The following ACOT2 variants were observed in gnomAD, a reference collection of about 807,000 sequenced individuals.
The protein encoded by ACOT2 is acyl-coenzyme A thioesterase 2, mitochondrial.
In ACOT2, 15 loss-of-function variants were observed where a neutral mutation model predicts 20.1. That is an observed-to-expected ratio of 0.75 (90% confidence interval 0.50 to 1.15). ACOT2 has a LOEUF of 1.15. Ranked by LOEUF, ACOT2 falls within the 50% of genes most tolerant of loss-of-function variation. The pLI, the probability that ACOT2 is intolerant of heterozygous loss-of-function variation, is 0.00. For synonymous variants in ACOT2, 252 were observed against 268.4 expected, an observed-to-expected ratio of 0.94 and a Z score of 0.60; for missense variants, 479 against 615.3, an observed-to-expected ratio of 0.78 and a Z score of 2.34.
At chr14:73,570,435 A>G (rs761389117) in intron 1 of ACOT2, among the ~76,000 whole-genome samples, 19 of 151,880 alleles carry the variant, frequency 1.3e-4, no homozygotes, top group Non-Finnish European at 2.4e-4. Flanking sequence ...TGGGCGTAGT[A>G]GCGGGCGCCT....
rs190793860 is a variant in ACOT2 at position 73,572,953 on chromosome 14, T to C, written c.644-435T>C. Among the ~76,000 whole-genome samples the C allele has an allele frequency of 2.4e-3, 367 of 151,682 alleles. 16 individuals carry two copies. Among genetic ancestry groups the C allele is most frequent in the African/African-American group, 8.4e-3 (345 of 41,014 alleles). On this transcript the variant is annotated intron_variant, in intron 1 of 2. Coordinates refer to ENST00000238651, the MANE Select transcript of ACOT2 (RefSeq NM_006821.6). ...GAGCCACCGGACCCAGCCTGCATTA[T>C]TACTATTTAATTTTGTGTGAAACAC...
chr14:73,571,774 T>C (rs1889756777), intron 1 of ACOT2: 1 of 152,092 alleles, frequency 6.6e-6, no homozygotes. Flanking sequence ...TTCTCATTTT[T>C]GCAACTTTTC....
chr14:73,571,150 C>G (rs1212904595), intron 1 of ACOT2: 1 of 151,976 alleles, frequency 6.6e-6, no homozygotes, highest in Non-Finnish European at 1.5e-5. Flanking sequence ...TTCCTGCTGC[C>G]TAGCTCCCCG....
chr14:73,568,980 A>G (rs1398681193), upstream of ACOT2: 1 of 518,198 alleles, frequency 1.9e-6, no homozygotes, highest in Admixed American at 3.4e-5. Context: ...AGGAGTTTGG[A>G]GCCTGGAGAC....
chr14:73,568,994 T>C, upstream of ACOT2: 1 of 534,100 alleles, frequency 1.9e-6, no homozygotes, highest in Non-Finnish European at 3.3e-6. Flanking sequence ...TGGAGACTGC[T>C]AGCTGCCTGG....
intron 1 of ACOT2, among the ~76,000 whole-genome samples, chr14:73,572,852 G>T (rs1466517885): frequency 2.7e-5 from 4 of 149,336 alleles, no homozygotes; most frequent in Non-Finnish European, 4.5e-5. Flanking sequence ...CACCATGTTG[G>T]CCAGGCTGGT....
chr14:73,574,079 C>G (rs1176748333), intron 2 of ACOT2, among the ~76,000 whole-genome samples: 2 of 151,214 alleles, frequency 1.3e-5, no homozygotes, highest in Non-Finnish European at 3.0e-5. Flanking sequence ...CCATGTTGGC[C>G]AGGCTGGTCT....
rs757606197 is a variant in ACOT2, at chr14:73,573,375, G to A, written c.644-13G>A. 1 of 1,613,446 alleles carries A rather than the reference G, an allele frequency of 6.2e-7. No individual in the cohort carries two copies. The highest frequency in any genetic ancestry group is 1.1e-5 in the South Asian group (1 of 91,028). On this transcript the variant is annotated splice_polypyrimidine_tract_variant and intron_variant, in intron 1 of 2. Transcript: ENST00000238651. ...ATAGCTTAGTTTTGCATTTTGTTTT[G>A]TTTCTTCCCAAGAACCTGGGCCCTT...
At chr14:73,568,620 A>C (rs1889646373), upstream of ACOT2, among the ~76,000 whole-genome samples, 1 of 151,992 alleles carries the variant, frequency 6.6e-6, no homozygotes, top group African/African-American at 2.4e-5. Flanking sequence ...AACCAGTAAA[A>C]CAAAATAATA....
Position 73,575,135 on chromosome 14 carries a change from G to C in ACOT2, c.1074G>C (p.Leu358=), listed in dbSNP as rs747129050. Residue 358 remains leucine, a synonymous_variant, in exon 3 of 3, where the codon CTG becomes CTC. Coordinates refer to ENST00000238651, the MANE Select transcript of ACOT2 (RefSeq NM_006821.6). The part of the protein sequence containing the change: ...KDGYADIVDV[L]NSPLEGPDQK... ...GCTATGCAGACATTGTGGATGTCCT[G>C]AACAGCCCTTTGGAAGGACCTGACC... The C allele has an allele frequency of 7.8e-7, 1 of 1,286,306 alleles. No individual in the cohort carries two copies. Among genetic ancestry groups the C allele is most frequent in the Non-Finnish European group, 1.1e-6 (1 of 933,142 alleles). 79.7% of individuals were successfully genotyped at this position (1,286,306 alleles called of 1,614,324 possible).
At chr14:73,573,946 T>G (rs1889821637) in intron 2 of ACOT2, among the ~76,000 whole-genome samples, 1 of 152,064 alleles carries the variant, frequency 6.6e-6, no homozygotes, top group African/African-American at 2.4e-5. Flanking sequence ...AGGCTGGTCT[T>G]GAACTCCTGA....
At chr14:73,570,010 T>G (rs1595169073) in intron 1 of ACOT2, 127 bp downstream of exon 1, 1 of 1,385,482 alleles carries the variant, frequency 7.2e-7, no homozygotes, top group Non-Finnish European at 9.5e-7. Context: ...CCCAGGCAGG[T>G]TTCGAATTCC....
upstream of ACOT2, chr14:73,568,996 G>A: frequency 1.9e-6 from 1 of 530,974 alleles, no homozygotes; most frequent in African/African-American, 1.9e-5. Context: ...GAGACTGCTA[G>A]CTGCCTGGTT....
At position 73,573,286 on chromosome 14, in the gene ACOT2, G is replaced by A. The variant is rs1889801887; in HGVS notation, c.644-102G>A. On this transcript the variant is annotated intron_variant, in intron 1 of 2. Transcript: ENST00000238651. ...TTCTCGTGGGTAGATACCTAGGAGTGGGATTGCTGGGTCACATGTGTGGTA... is the reference window on the plus strand; with the variant it reads ...TTCTCGTGGGTAGATACCTAGGAGTAGGATTGCTGGGTCACATGTGTGGTA... 3.3e-6 allele frequency: 5 copies of A among 1,528,756 alleles called. No homozygotes were observed. The Admixed American group carries it at 8.4e-5, about 26-fold the overall frequency. 94.7% of individuals were successfully genotyped at this position (1,528,756 alleles called of 1,614,324 possible). A position where few individuals can be genotyped will look rare whatever the true frequency, so the allele number is the denominator to read the frequency against.
chr14:73,568,671 G>A (rs1267667569), upstream of ACOT2, among the ~76,000 whole-genome samples: 1 of 151,976 alleles, frequency 6.6e-6, no homozygotes, highest in Non-Finnish European at 1.5e-5. Context: ...GTAAATCCTA[G>A]CATTTTGGGA....
chr14:73,574,465 G>A (rs1465622026), intron 2 of ACOT2: 4 of 281,384 alleles, frequency 1.4e-5, no homozygotes, highest in African/African-American at 8.8e-5. Context: ...GTTTCACCAT[G>A]TTGGCCAGAC....
Position 73,573,473 on chromosome 14 carries a change from G to A in ACOT2, c.729G>A (p.Lys243=). Residue 243 remains lysine, a synonymous_variant, in exon 2 of 3, where the codon AAG becomes AAA. Coordinates refer to ENST00000238651, the MANE Select transcript of ACOT2 (RefSeq NM_006821.6). ...ATCGGGCTAGTCTGCTGGCTGGGAA[G>A]GGTTTTGCTGTGATGGCTCTGGCTT... ...LEYRASLLAG[K]GFAVMALAYY... 6.2e-7 allele frequency: 1 copy of A among 1,613,700 alleles called. No homozygotes were observed. Among genetic ancestry groups the A allele is most frequent in the Non-Finnish European group, 8.5e-7 (1 of 1,179,724 alleles).
chr14:73,572,487 GTGGTAA>G (rs1349414078), intron 1 of ACOT2, among the ~76,000 whole-genome samples: 2 of 151,716 alleles, frequency 1.3e-5, no homozygotes, highest in African/African-American at 4.8e-5. Context: ...CATAATCTAA[GTGGTAA>G]TACTATGAAG....
At chr14:73,572,253 C>G (rs1348898198) in intron 1 of ACOT2, among the ~76,000 whole-genome samples, 1 of 142,444 alleles carries the variant, frequency 7.0e-6, no homozygotes, top group African/African-American at 2.6e-5. Context: ...AACAATAGAA[C>G]AGATTAATAA....
Sources: gnomAD v4.1 joint callset for allele counts (sites outside exome capture counted in the v4.1 genomes callset) on GRCh38, gnomAD v4.1.1 for gene constraint, MANE v1.5 for transcripts, NCBI Gene and HGNC (gene_info 2026-07-23, HGNC 2026-07-21) for gene names.